MECOM: variants seen among roughly 807,000 people sequenced by gnomAD.
MECOM encodes the protein histone-lysine N-methyltransferase MECOM.
MECOM carries 13 observed loss-of-function variants against 116.3 expected under a neutral mutation model. The ratio of observed to expected loss-of-function variants is 0.11; its 90% CI spans 0.07 to 0.18. The LOEUF (loss-of-function observed/expected upper bound fraction) is 0.18, where lower values mean the gene tolerates loss of function less well. Among genes scored for constraint, MECOM ranks in the 10% least tolerant of loss-of-function variants. The pLI is 1.00. For missense variants in MECOM, 1,299 were observed against 1,509.0 expected (o/e 0.86, Z 2.31); for synonymous variants, 528 against 535.2 (o/e 0.99, Z 0.19).
intron 1 of MECOM, among the ~76,000 whole-genome samples, chr3:169,530,236 G>T (rs1408002297): frequency 6.6e-6 from 1 of 151,638 alleles, no homozygotes; most frequent in Non-Finnish European, 1.5e-5. Context: ...TGAATCACTT[G>T]GGGGTACTTC....
chr3:169,237,945 G>A (rs1222106698), intron 2 of MECOM, among the ~76,000 whole-genome samples: 1 of 151,988 alleles, frequency 6.6e-6, no homozygotes, highest in Admixed American at 6.6e-5. Context: ...GGGAAGTCCA[G>A]GCAGGTGGAT....
intron 2 of MECOM, among the ~76,000 whole-genome samples, chr3:169,371,533 A>ACACT (rs1427405497): frequency 6.6e-6 from 1 of 151,222 alleles, no homozygotes. Flanking sequence ...ACACACACAC[A>ACACT]CTCACACACA....
intron 2 of MECOM, among the ~76,000 whole-genome samples, chr3:169,378,309 C>T (rs772382811): frequency 2.1e-5 from 3 of 141,518 alleles, no homozygotes; most frequent in Non-Finnish European, 4.6e-5. Context: ...TATCCTAGAA[C>T]TTAAAGTATA....
At chr3:169,439,903 A>G (rs539449997) in intron 1 of MECOM, among the ~76,000 whole-genome samples, 8 of 152,314 alleles carry the variant, frequency 5.3e-5, no homozygotes, top group African/African-American at 1.7e-4. Context: ...GAAACAAAAT[A>G]TTGCATGTAG....
Position 169,404,378 on chromosome 3 carries a change from G to A in MECOM, c.38-22854C>T, listed in dbSNP as rs189660220. Reference sequence around the variant, plus strand: ...CAATGGAAATGCACAGAGGGAGAAGGCCAAACAACAAAACAATCCAGAGAG... The same window carrying A: ...CAATGGAAATGCACAGAGGGAGAAGACCAAACAACAAAACAATCCAGAGAG... On this transcript the variant is annotated intron_variant, in intron 1 of 16. Coordinates refer to ENST00000651503, the MANE Select transcript of MECOM (RefSeq NM_004991.4). Among the ~76,000 whole-genome samples the A allele has an allele frequency of 1.3e-3, 203 of 151,934 alleles. 1 individual carries two copies. The highest frequency in any genetic ancestry group is 4.6e-3 in the African/African-American group (192 of 41,442).
At chr3:169,154,955 G>A (rs962535769) in intron 2 of MECOM, among the ~76,000 whole-genome samples, 1 of 151,964 alleles carries the variant, frequency 6.6e-6, no homozygotes, top group African/African-American at 2.4e-5. Context: ...TTCTCTCCTG[G>A]TTTATAGCCA....
chr3:169,601,246 T>G (rs962419441), intron 1 of MECOM, among the ~76,000 whole-genome samples: 37 of 152,156 alleles, frequency 2.4e-4, no homozygotes, highest in African/African-American at 8.7e-4. Flanking sequence ...CCAGGGCAAA[T>G]CTCAGCAAGG....
intron 1 of MECOM, among the ~76,000 whole-genome samples, chr3:169,579,747 G>A (rs908235994): frequency 2.6e-5 from 4 of 152,164 alleles, no homozygotes; most frequent in Non-Finnish European, 5.9e-5. Flanking sequence ...GATTCTCTTG[G>A]ACTGAACATG....
chr3:169,545,788 A>C (rs1411388934), intron 1 of MECOM, among the ~76,000 whole-genome samples: 2 of 152,128 alleles, frequency 1.3e-5, no homozygotes, highest in Non-Finnish European at 2.9e-5. Context: ...CTCTTCCCTG[A>C]CATGAATCTC....
At chr3:169,138,667 T>C (rs996310211) in intron 3 of MECOM, among the ~76,000 whole-genome samples, 2 of 152,126 alleles carry the variant, frequency 1.3e-5, no homozygotes, top group Non-Finnish European at 2.9e-5. Flanking sequence ...AAAGAAGTGG[T>C]ACAAAATGTG....
At chr3:169,533,688 A>G (rs1560401813) in intron 1 of MECOM, among the ~76,000 whole-genome samples, 1 of 151,358 alleles carries the variant, frequency 6.6e-6, no homozygotes, top group Non-Finnish European at 1.5e-5. Flanking sequence ...AAGGAAAAAG[A>G]AAATGCAGGC....
At chr3:169,453,576 G>T (rs1745964409) in intron 1 of MECOM, among the ~76,000 whole-genome samples, 1 of 152,124 alleles carries the variant, frequency 6.6e-6, no homozygotes, top group Non-Finnish European at 1.5e-5. Flanking sequence ...CTAAATTGGG[G>T]TTAAGGCATA....
At chr3:169,512,405 A>G (rs79583499) in intron 1 of MECOM, among the ~76,000 whole-genome samples, 4,063 of 152,102 alleles carry the variant, frequency 0.027, 173 homozygotes, top group African/African-American at 0.093. Flanking sequence ...TTTCTTCCTC[A>G]TCTCTGTGAG....
chr3:169,276,278 G>T (rs568574578), intron 2 of MECOM, among the ~76,000 whole-genome samples: 1 of 152,036 alleles, frequency 6.6e-6, no homozygotes, highest in Admixed American at 6.6e-5. Context: ...ATGGCCGGGC[G>T]CAGTGGCTCA....
intron 2 of MECOM, among the ~76,000 whole-genome samples, chr3:169,379,234 A>G (rs1317349669): frequency 6.6e-6 from 1 of 152,030 alleles, no homozygotes; most frequent in African/African-American, 2.4e-5. Context: ...CAAAATTACA[A>G]AAAGTCATTT....
intron 2 of MECOM, among the ~76,000 whole-genome samples, chr3:169,251,893 G>A (rs1756283993): frequency 1.3e-5 from 2 of 151,792 alleles, no homozygotes; most frequent in Non-Finnish European, 2.9e-5. Flanking sequence ...AGAAATAGGT[G>A]GAAAAAAGAT....
At chr3:169,595,939 A>G (rs899610079) in intron 1 of MECOM, among the ~76,000 whole-genome samples, 2 of 99,116 alleles carry the variant, frequency 2.0e-5, no homozygotes, top group South Asian at 8.1e-4. Context: ...TTTCATTCAT[A>G]TAGTCAATTT....
chr3:169,589,408 C>T (rs974629359), intron 1 of MECOM, among the ~76,000 whole-genome samples: 3 of 152,042 alleles, frequency 2.0e-5, no homozygotes, highest in Admixed American at 6.6e-5. Flanking sequence ...ATCCCATATC[C>T]CTACGCCTCT....
intron 2 of MECOM, among the ~76,000 whole-genome samples, chr3:169,233,889 G>C (rs925705452): frequency 6.6e-6 from 1 of 152,074 alleles, no homozygotes; most frequent in Non-Finnish European, 1.5e-5. Context: ...TCCTGACTAT[G>C]GAGGAGTAAA....
Sources: gnomAD v4.1 joint callset for allele counts (sites outside exome capture counted in the v4.1 genomes callset) on GRCh38, gnomAD v4.1.1 for gene constraint, MANE v1.5 for transcripts, NCBI Gene and HGNC (gene_info 2026-07-23, HGNC 2026-07-21) for gene names.